The following ABCC3 variants were observed in gnomAD, a reference collection of about 807,000 sequenced individuals.
The protein encoded by ABCC3 is ATP-binding cassette sub-family C member 3.
ABCC3 carries 121 observed loss-of-function variants against 165.3 expected under a neutral mutation model. The observed-to-expected ratio is 0.73, with a 90% confidence interval of 0.63 to 0.85. The LOEUF (loss-of-function observed/expected upper bound fraction) is 0.85, where lower values mean the gene tolerates loss of function less well. ABCC3 is among the 40% of genes least tolerant of loss of function. The pLI, the probability that ABCC3 is intolerant of heterozygous loss-of-function variation, is 0.00. For missense variants in ABCC3, 1,869 were observed against 1,964.1 expected, an observed-to-expected ratio of 0.95 and a Z score of 0.92; for synonymous variants, 733 against 810.1, an observed-to-expected ratio of 0.90 and a Z score of 1.62.
chr17:50,660,445 G>A (rs915249117), intron 7 of ABCC3, among the ~76,000 whole-genome samples: 2 of 152,186 alleles, frequency 1.3e-5, no homozygotes. Flanking sequence ...TGTTGGAGGA[G>A]CCTGGGGCTG....
At chr17:50,652,402 A>ATT (rs35824469) in intron 1 of ABCC3, among the ~76,000 whole-genome samples, 2 of 151,964 alleles carry the variant, frequency 1.3e-5, no homozygotes, top group African/African-American at 2.4e-5. Context: ...AGCTTTTAAG[A>ATT]TTTTTTTGTT....
At chr17:50,658,337 G>T in intron 5 of ABCC3, 98 bp from the exon 6 acceptor site, 1 of 1,582,562 alleles carries the variant, frequency 6.3e-7, no homozygotes, top group South Asian at 1.1e-5. Flanking sequence ...GTAAACTGGG[G>T]CTTGGAGCAG....
intron 11 of ABCC3, among the ~76,000 whole-genome samples, chr17:50,666,885 A>G (rs560058724): frequency 6.6e-6 from 1 of 152,194 alleles, no homozygotes; most frequent in Non-Finnish European, 1.5e-5. Context: ...ATGTAAAGGA[A>G]TGGTTATGGA....
At chr17:50,650,219 C>T (rs528936696) in intron 1 of ABCC3, among the ~76,000 whole-genome samples, 126 of 152,306 alleles carry the variant, frequency 8.3e-4, no homozygotes, top group African/African-American at 3.0e-3. Context: ...GATTCTCCTG[C>T]CTCAGCCTCT....
chr17:50,688,976 G>A (rs1968072093), intron 30 of ABCC3, among the ~76,000 whole-genome samples: 1 of 151,862 alleles, frequency 6.6e-6, no homozygotes. Flanking sequence ...GCCGAGGCAG[G>A]CAGATCATTT....
chr17:50,689,320 A>G (rs937717550), intron 30 of ABCC3, among the ~76,000 whole-genome samples: 2 of 152,250 alleles, frequency 1.3e-5, no homozygotes, highest in East Asian at 3.8e-4. Flanking sequence ...TGCCCTCAGA[A>G]GCTTGTGGCT....
At chr17:50,680,721 A>G (rs1241668148) in intron 26 of ABCC3, among the ~76,000 whole-genome samples, 1 of 152,028 alleles carries the variant, frequency 6.6e-6, no homozygotes, top group Non-Finnish European at 1.5e-5. Flanking sequence ...ACTCACCTCC[A>G]AAACCCACCC....
intron 1 of ABCC3, 30 bp downstream of exon 1, chr17:50,635,011 C>T (rs2054165207): frequency 4.0e-6 from 5 of 1,254,318 alleles, no homozygotes; most frequent in East Asian, 6.2e-5. Context: ...GGTCACTGCG[C>T]GGGGGCCAGG....
intron 26 of ABCC3, 152 bp from the exon 27 acceptor site, chr17:50,683,458 T>A (rs1328088830): frequency 4.2e-6 from 3 of 719,662 alleles, no homozygotes; most frequent in African/African-American, 3.9e-5. Flanking sequence ...GATAAAGGAG[T>A]CATTGAACAC....
At chr17:50,684,638 C>T in intron 28 of ABCC3, 71 bp from the exon 29 acceptor site, 5 of 1,508,298 alleles carry the variant, frequency 3.3e-6, no homozygotes, top group Non-Finnish European at 4.5e-6. Flanking sequence ...TCTCTTCTTC[C>T]CTGGACCTGG....
rs1567835540 is a variant in ABCC3 at position 50,673,974 on chromosome 17, TTCTTTCTCTC to T, written c.2599+320_2599+329del. The stretch of plus-strand genomic sequence containing the variant: ...TTTCTTTCTTTCTTTCTTTCTTTCT[TTCTTTCTCTC>T]TCTCTCTCTCTCTCTCTCTCTCTCT... On this transcript the variant is annotated intron_variant, in intron 19 of 30. Coordinates refer to ENST00000285238, the MANE Select transcript of ABCC3 (RefSeq NM_003786.4). Among the ~76,000 whole-genome samples the T allele has an allele frequency of 1.9e-3, 25 of 13,282 alleles. 3 individuals carry two copies. The highest frequency in any genetic ancestry group is 0.011 in the South Asian group (3 of 276). The allele number at this position is 13,282 out of a possible 152,430, so 8.7% of individuals were successfully genotyped here.
At chr17:50,690,215 G>A (rs989004958) in intron 30 of ABCC3, among the ~76,000 whole-genome samples, 1 of 152,200 alleles carries the variant, frequency 6.6e-6, no homozygotes, top group African/African-American at 2.4e-5. Flanking sequence ...GAACCAAGAT[G>A]GGGGTGGAGA....
Position 50,691,248 on chromosome 17 carries a change from A to G in ABCC3, c.*48A>G, listed in dbSNP as rs776065649. ...CTGGCCTTTCCTGGTTTTCATCAGG[A>G]AGGAAATGACACCAAATATGTCCGC... On this transcript the variant is annotated 3_prime_UTR_variant, in exon 31 of 31. Coordinates refer to ENST00000285238, the MANE Select transcript of ABCC3 (RefSeq NM_003786.4). The G allele has an allele frequency of 4.8e-6, 7 of 1,472,506 alleles. No individual in the cohort carries two copies. Among genetic ancestry groups the G allele is most frequent in the Non-Finnish European group, 6.6e-6 (7 of 1,053,820 alleles). 91.2% of individuals were successfully genotyped at this position (1,472,506 alleles called of 1,614,324 possible). A position where few individuals can be genotyped will look rare whatever the true frequency, so the allele number is the denominator to read the frequency against.
In ABCC3 at chr17:50,673,091, C is replaced by T; in HGVS notation, c.2362C>T (p.His788Tyr). ...CGCGGTGGACTCTCATGTGGCCAAG[C>T]ACATCTTTGACCACGTCATCGGGCC... ...LSAVDSHVAK[H>Y]IFDHVIGPEG... Residue 788 changes from histidine (H) to tyrosine (Y), a missense_variant, in exon 18 of 31, where the codon CAC (histidine) becomes TAC (tyrosine). His to Tyr is a moderately conservative substitution (Grantham distance 83, BLOSUM62 2). Coordinates refer to ENST00000285238, the MANE Select transcript of ABCC3 (RefSeq NM_003786.4). The T allele has an allele frequency of 6.2e-7, 1 of 1,614,148 alleles. No homozygotes were observed. The highest frequency in any genetic ancestry group is 8.5e-7 in the Non-Finnish European group (1 of 1,180,038).
At position 50,669,420 on chromosome 17, in the gene ABCC3, C is replaced by T. The variant is rs1446630198; in HGVS notation, c.2133C>T (p.Phe711=). ...QNCTLQENVL[F]GKALNPKRYQ... is the part of the protein sequence containing the mutation. ...GCACTCTTCAGGAAAACGTGCTTTT[C>T]GGCAAAGCCCTGAACCCCAAGCGCT... Residue 711 remains phenylalanine, a synonymous_variant, in exon 17 of 31, where the codon TTC becomes TTT. Coordinates refer to ENST00000285238, the MANE Select transcript of ABCC3 (RefSeq NM_003786.4). 151 of 1,614,122 alleles carry T rather than the reference C, an allele frequency of 9.4e-5. No individual in the cohort carries two copies. The highest frequency in any genetic ancestry group is 1.2e-4 in the Non-Finnish European group (145 of 1,180,040).
At chr17:50,674,770 ATTTTCT>A (rs1470760463) in intron 19 of ABCC3, among the ~76,000 whole-genome samples, 1 of 142,444 alleles carries the variant, frequency 7.0e-6, no homozygotes, top group Non-Finnish European at 1.5e-5. Flanking sequence ...CACTGGACAC[ATTTTCT>A]TTTAAGCCTA....
chr17:50,681,641 G>A (rs965160999), intron 26 of ABCC3, among the ~76,000 whole-genome samples: 3 of 152,064 alleles, frequency 2.0e-5, no homozygotes, highest in Non-Finnish European at 2.9e-5. Context: ...AGCTGCATCC[G>A]CTTCCTCATC....
chr17:50,641,236 C>T (rs1342118167), intron 1 of ABCC3, among the ~76,000 whole-genome samples: 1 of 152,234 alleles, frequency 6.6e-6, no homozygotes, highest in Non-Finnish European at 1.5e-5. Context: ...CCCCATCCAG[C>T]TGTTTAATCG....
chr17:50,640,152 C>G (rs1349526928), intron 1 of ABCC3, among the ~76,000 whole-genome samples: 1 of 152,204 alleles, frequency 6.6e-6, no homozygotes, highest in Non-Finnish European at 1.5e-5. Flanking sequence ...CCGCTCTGCT[C>G]CCTCAGCTCT....
Sources: allele counts gnomAD v4.1 joint callset (sites outside exome capture counted in the v4.1 genomes callset), GRCh38; gene constraint gnomAD v4.1.1; transcripts MANE v1.5; gene names NCBI Gene and HGNC (gene_info 2026-07-23, HGNC 2026-07-21).